The following PLXNA4 variants were observed in gnomAD, a reference collection of about 807,000 sequenced individuals.
PLXNA4 encodes the protein plexin-A4.
A neutral mutation model predicts 191.8 loss-of-function variants in PLXNA4; 44 were observed. The observed-to-expected ratio is 0.23, with a 90% CI of 0.18 to 0.29. PLXNA4 has a LOEUF of 0.29. Among genes scored for constraint, PLXNA4 ranks in the 10% least tolerant of loss-of-function variants. PLXNA4 has a pLI of 1.00. For missense variants in PLXNA4, 1,800 were observed against 2,488.8 expected (o/e 0.72, Z 5.89); for synonymous variants, 1,082 against 1,009.5 (o/e 1.07, Z -1.36).
chr7:132,632,182 G>A lies in PLXNA4; in HGVS notation c.-87+13746C>T, dbSNP rs143961552. On this transcript the variant is annotated intron_variant, in intron 2 of 4. Coordinates refer to the PLXNA4 transcript ENST00000378539. Reference sequence around the variant, plus strand: ...ACCCGGGAGGCGGAGGTTGCAGTGAGCTGAGATTGTACCACTGCACTCCAG... The same window carrying A: ...ACCCGGGAGGCGGAGGTTGCAGTGAACTGAGATTGTACCACTGCACTCCAG... Among the ~76,000 whole-genome samples the A allele has an allele frequency of 5.5e-3, 787 of 143,574 alleles. 4 individuals are homozygous for A. The highest frequency in any genetic ancestry group is 8.4e-3 in the Non-Finnish European group (567 of 67,170). The allele number at this position is 143,574 out of a possible 152,430, so 94.2% of individuals were successfully genotyped here. A position where few individuals can be genotyped will look rare whatever the true frequency, so the allele number is the denominator to read the frequency against.
chr7:132,374,214 C>A (rs965583870), intron 3 of PLXNA4, among the ~76,000 whole-genome samples: 1 of 152,184 alleles, frequency 6.6e-6, no homozygotes, highest in Non-Finnish European at 1.5e-5. Context: ...TGATTAGGGG[C>A]ATCTGCATTT....
chr7:132,352,731 G>A (rs1010423761), intron 3 of PLXNA4, among the ~76,000 whole-genome samples: 8 of 152,276 alleles, frequency 5.3e-5, no homozygotes, highest in East Asian at 3.9e-4. Flanking sequence ...ATAGGAACAC[G>A]CTTTCCTTCC....
At chr7:132,158,371 G>T (rs1190863252) in intron 25 of PLXNA4, among the ~76,000 whole-genome samples, 1 of 152,152 alleles carries the variant, frequency 6.6e-6, no homozygotes, top group Non-Finnish European at 1.5e-5. Context: ...CAGATGGATG[G>T]ATTAGAGGTG....
intron 1 of PLXNA4, among the ~76,000 whole-genome samples, chr7:132,562,815 T>TCC: frequency 1.7e-5 from 2 of 115,230 alleles, no homozygotes; most frequent in East Asian, 2.9e-4. Context: ...CTCCTCCTCC[T>TCC]TCTCCTCCTC....
At chr7:132,237,402 T>C (rs1562984663) in intron 5 of PLXNA4, among the ~76,000 whole-genome samples, 1 of 152,174 alleles carries the variant, frequency 6.6e-6, no homozygotes, top group Non-Finnish European at 1.5e-5. Flanking sequence ...AGAGGCACTC[T>C]TCGCAAGGGA....
chr7:132,306,179 T>C (rs1801515179), intron 3 of PLXNA4, among the ~76,000 whole-genome samples: 1 of 152,120 alleles, frequency 6.6e-6, no homozygotes, highest in African/African-American at 2.4e-5. Flanking sequence ...ATTCCAGCCA[T>C]GCCAGAGCCA....
intron 2 of PLXNA4, among the ~76,000 whole-genome samples, chr7:132,603,172 T>G (rs963773533): frequency 5.3e-5 from 8 of 152,134 alleles, no homozygotes; most frequent in African/African-American, 1.9e-4. Flanking sequence ...TTGAAGAAGC[T>G]CCCACACTAA....
At chr7:132,529,069 A>G (rs1447064775) in intron 1 of PLXNA4, among the ~76,000 whole-genome samples, 1 of 152,220 alleles carries the variant, frequency 6.6e-6, no homozygotes, top group Non-Finnish European at 1.5e-5. Flanking sequence ...TTAAATATCA[A>G]TATCCTTGGG....
chr7:132,391,183 G>A (rs73726031), intron 3 of PLXNA4, among the ~76,000 whole-genome samples: 1,574 of 152,308 alleles, frequency 0.01, 26 homozygotes, highest in African/African-American at 0.035. Context: ...GTATGTGCAC[G>A]TGTGTGCATG....
rs572243279 is a variant in PLXNA4, at chr7:132,434,278, T to C, written c.1371+55014A>G. Among the ~76,000 whole-genome samples the C allele has an allele frequency of 2.0e-5, 3 of 152,300 alleles. No homozygotes were observed. The East Asian group carries it at 5.8e-4, about 29-fold the overall frequency. ...AGTGTGCACCCAGCTCCCGGTTCCA[T>C]GGTTTTCTGGCCACCGTAGTGTACC... On this transcript the variant is annotated intron_variant, in intron 3 of 31. Coordinates refer to ENST00000321063, the MANE Select transcript of PLXNA4 (RefSeq NM_020911.2).
chr7:132,273,061 T>C (rs745925725), intron 4 of PLXNA4, among the ~76,000 whole-genome samples: 8 of 152,200 alleles, frequency 5.3e-5, no homozygotes, highest in Non-Finnish European at 1.0e-4. Context: ...TAGGTATTCA[T>C]CAAATGTTTG....
intron 3 of PLXNA4, among the ~76,000 whole-genome samples, chr7:132,446,032 A>G (rs1261689692): frequency 6.6e-6 from 1 of 152,208 alleles, no homozygotes; most frequent in East Asian, 1.9e-4. Flanking sequence ...ACACAAGCCC[A>G]GGAGCCCCGA....
At chr7:132,330,979 C>A (rs976696846) in intron 3 of PLXNA4, among the ~76,000 whole-genome samples, 1 of 152,176 alleles carries the variant, frequency 6.6e-6, no homozygotes, top group South Asian at 2.1e-4. Context: ...GACTTCCAAG[C>A]CTGCCAGTCA....
chr7:132,297,438 A>G (rs1343990929), intron 4 of PLXNA4, among the ~76,000 whole-genome samples: 1 of 151,836 alleles, frequency 6.6e-6, no homozygotes, highest in African/African-American at 2.4e-5. Context: ...GAGCTCAGGG[A>G]CTCCAGAAAA....
intron 3 of PLXNA4, chr7:132,484,880 A>G (rs781714359): frequency 6.2e-7 from 1 of 1,614,156 alleles, no homozygotes; most frequent in East Asian, 2.2e-5. Flanking sequence ...CTGATCTGAT[A>G]TTGCTTTGTG....
chr7:132,543,950 G>A (rs1387264387), intron 1 of PLXNA4, among the ~76,000 whole-genome samples: 4 of 152,222 alleles, frequency 2.6e-5, no homozygotes, highest in South Asian at 2.1e-4. Flanking sequence ...CAGATGGGAA[G>A]TACAGGGTTA....
chr7:132,465,972 G>C (rs1796684216), intron 3 of PLXNA4, among the ~76,000 whole-genome samples: 1 of 152,108 alleles, frequency 6.6e-6, no homozygotes, highest in African/African-American at 2.4e-5. Flanking sequence ...AAAGCACATG[G>C]GCAACACAAG....
At chr7:132,134,759 C>T (rs540586375) in intron 30 of PLXNA4, among the ~76,000 whole-genome samples, 1 of 152,164 alleles carries the variant, frequency 6.6e-6, no homozygotes, top group Admixed American at 6.5e-5. Flanking sequence ...GGCCGCCCTG[C>T]CCCCGTCTCA....
chr7:132,308,942 G>A (rs1801625815), intron 3 of PLXNA4, among the ~76,000 whole-genome samples: 1 of 152,102 alleles, frequency 6.6e-6, no homozygotes. Context: ...GATGTGGCCT[G>A]CAGATTGGAC....
Sources: gnomAD v4.1 joint callset for allele counts (sites outside exome capture counted in the v4.1 genomes callset) on GRCh38, gnomAD v4.1.1 for gene constraint, MANE v1.5 for transcripts, NCBI Gene and HGNC (gene_info 2026-07-23, HGNC 2026-07-21) for gene names.